The following UNC5C variants were observed in gnomAD, a reference collection of about 807,000 sequenced individuals.
The protein encoded by UNC5C is netrin receptor UNC5C.
Under a neutral mutation model 99.8 loss-of-function variants are expected in UNC5C, and 47 were observed. That is an observed-to-expected ratio of 0.47 (90% CI 0.37 to 0.60). The LOEUF is 0.60. Ranked by LOEUF, UNC5C falls within the 20% of genes least tolerant of loss-of-function variation. The pLI is 0.00. For missense variants in UNC5C, 1,062 were observed against 1,165.9 expected (o/e 0.91, Z 1.30); for synonymous variants, 487 against 452.2 (o/e 1.08, Z -0.98).
At chr4:95,228,670 T>C (rs1738785606) in intron 7 of UNC5C, among the ~76,000 whole-genome samples, 1 of 152,198 alleles carries the variant, frequency 6.6e-6, no homozygotes, top group African/African-American at 2.4e-5. Context: ...AATTAGTAGA[T>C]TCGAATGAGG....
Position 95,351,184 on chromosome 4 carries a change from C to T in UNC5C, c.125-15553G>A, listed in dbSNP as rs111517979. ...GGACATTAGCCCTTGCTAACCTCTC[C>T]CTTTGCTCCTTGCTGTTTTCCTGGT... On this transcript the variant is annotated intron_variant, in intron 1 of 15. Transcript: ENST00000453304. Among the ~76,000 whole-genome samples the T allele has an allele frequency of 5.6e-3, 846 of 152,196 alleles. 11 individuals carry two copies. The highest frequency in any genetic ancestry group is 0.019 in the African/African-American group (803 of 41,546).
Position 95,335,543 on chromosome 4 carries a change from A to G in UNC5C, c.213T>C (p.Ala71=), listed in dbSNP as rs1273349678. The change falls in exon 2 of 16, where the codon GCT becomes GCC. Residue 71 remains alanine, a synonymous_variant. Coordinates refer to ENST00000453304, the MANE Select transcript of UNC5C (RefSeq NM_003728.4). ...TCACGGGCTTATTCTTCACAATATA[A>G]GCTTCTTCAGGCTCAATAAGGAAAT... The part of the protein sequence containing the change: ...LPHFLIEPEE[A]YIVKNKPVNL... The G allele has an allele frequency of 1.2e-6, 2 of 1,612,416 alleles. No homozygotes were observed. Among genetic ancestry groups the G allele is most frequent in the Non-Finnish European group, 1.7e-6 (2 of 1,178,944 alleles).
At chr4:95,527,489 T>A (rs1405522438) in intron 1 of UNC5C, among the ~76,000 whole-genome samples, 1 of 152,146 alleles carries the variant, frequency 6.6e-6, no homozygotes, top group Non-Finnish European at 1.5e-5. Flanking sequence ...TGAGTTTTTT[T>A]AAATATTGGA....
chr4:95,201,820 G>A (rs924384990), intron 12 of UNC5C, among the ~76,000 whole-genome samples: 13 of 152,056 alleles, frequency 8.5e-5, no homozygotes, highest in Non-Finnish European at 1.3e-4. Context: ...TAGCCAGGAT[G>A]GTCTTGATCT....
At chr4:95,510,275 A>C (rs1722034645) in intron 1 of UNC5C, among the ~76,000 whole-genome samples, 1 of 152,036 alleles carries the variant, frequency 6.6e-6, no homozygotes, top group Admixed American at 6.6e-5. Context: ...TAAATACTTT[A>C]CTATTATCAA....
intron 2 of UNC5C, among the ~76,000 whole-genome samples, chr4:95,312,162 G>A (rs1450412543): frequency 6.6e-6 from 1 of 152,124 alleles, no homozygotes; most frequent in Non-Finnish European, 1.5e-5. Flanking sequence ...TGACATTCCA[G>A]TATGAAGATA....
At chr4:95,434,943 C>G (rs1439085591) in intron 1 of UNC5C, among the ~76,000 whole-genome samples, 1 of 152,062 alleles carries the variant, frequency 6.6e-6, no homozygotes, top group East Asian at 1.9e-4. Flanking sequence ...CAACACATCA[C>G]AGAAGAGTTT....
intron 1 of UNC5C, among the ~76,000 whole-genome samples, chr4:95,349,468 T>C (rs566894390): frequency 6.7e-6 from 1 of 149,924 alleles, no homozygotes; most frequent in African/African-American, 2.4e-5. Flanking sequence ...TCATTACTTC[T>C]GGGGAAAAGG....
At chr4:95,465,016 T>C (rs1747730440) in intron 1 of UNC5C, among the ~76,000 whole-genome samples, 1 of 152,146 alleles carries the variant, frequency 6.6e-6, no homozygotes, top group Admixed American at 6.5e-5. Context: ...AGAGAGATGA[T>C]CCAGGCTGAA....
intron 7 of UNC5C, among the ~76,000 whole-genome samples, chr4:95,228,139 A>T (rs1738763593): frequency 6.6e-6 from 1 of 152,192 alleles, no homozygotes; most frequent in African/African-American, 2.4e-5. Context: ...AATATACCTA[A>T]ATGTAGCCTG....
chr4:95,373,572 T>C (rs1251789591), intron 1 of UNC5C, among the ~76,000 whole-genome samples: 1 of 152,178 alleles, frequency 6.6e-6, no homozygotes, highest in Non-Finnish European at 1.5e-5. Context: ...TGATATGATG[T>C]TTATCTGATT....
chr4:95,170,221 T>G lies in UNC5C; in HGVS notation c.2563A>C (p.Ser855Arg). ...CCTCTCGTCTGGGGGGCATCCAGGCTGCTACAGAGCTTCTGCCGGATAGGG... is the reference window on the plus strand; with the variant it reads ...CCTCTCGTCTGGGGGGCATCCAGGCGGCTACAGAGCTTCTGCCGGATAGGG... The part of the protein sequence containing the change: ...PLPIRQKLCS[S>R]LDAPQTRGHD... The change falls in exon 15 of 16, where the codon AGC becomes CGC. Residue 855 changes from serine (S) to arginine (R), a missense_variant. Ser to Arg is a moderately radical substitution (Grantham distance 110, BLOSUM62 -1). Coordinates refer to ENST00000453304, the MANE Select transcript of UNC5C (RefSeq NM_003728.4). 6.2e-7 allele frequency: 1 copy of G among 1,614,156 alleles called. No homozygotes were observed. The highest frequency in any genetic ancestry group is 8.5e-7 in the Non-Finnish European group (1 of 1,180,044).
At chr4:95,355,467 G>A (rs752526792) in intron 1 of UNC5C, among the ~76,000 whole-genome samples, 2 of 152,032 alleles carry the variant, frequency 1.3e-5, no homozygotes, top group African/African-American at 2.4e-5. Context: ...TTCACCTTAA[G>A]CTTTATTTCC....
intron 12 of UNC5C, among the ~76,000 whole-genome samples, chr4:95,197,176 T>C (rs1737465439): frequency 1.4e-5 from 2 of 146,958 alleles, no homozygotes; most frequent in South Asian, 4.2e-4. Flanking sequence ...ACATGGATAA[T>C]ATAACCACAT....
intron 5 of UNC5C, among the ~76,000 whole-genome samples, chr4:95,245,516 G>T (rs1294893465): frequency 2.0e-5 from 3 of 152,096 alleles, no homozygotes; most frequent in Non-Finnish European, 4.4e-5. Context: ...TGAAAAGCCT[G>T]CAAGTCAATC....
intron 1 of UNC5C, among the ~76,000 whole-genome samples, chr4:95,395,828 A>G (rs73838205): frequency 0.058 from 8,818 of 152,256 alleles, 445 homozygotes; most frequent in African/African-American, 0.14. Flanking sequence ...TAAGATAGCC[A>G]CAGCAGAGCA....
intron 1 of UNC5C, among the ~76,000 whole-genome samples, chr4:95,462,042 T>G (rs551453066): frequency 1.3e-3 from 204 of 151,364 alleles, no homozygotes; most frequent in Non-Finnish European, 2.2e-3. Flanking sequence ...GAGCCTTGGG[T>G]TTTTTTTTAG....
chr4:95,365,243 C>T (rs1174402026), intron 1 of UNC5C, among the ~76,000 whole-genome samples: 1 of 145,450 alleles, frequency 6.9e-6, no homozygotes, highest in African/African-American at 2.5e-5. Context: ...TTGCAGTGAG[C>T]TGAGATTGTG....
chr4:95,352,723 GT>G (rs1281090792), intron 1 of UNC5C, among the ~76,000 whole-genome samples: 2 of 152,096 alleles, frequency 1.3e-5, no homozygotes, highest in African/African-American at 4.8e-5. Context: ...GACAATTACA[GT>G]GCATACCAGC....
Sources: allele counts gnomAD v4.1 joint callset (sites outside exome capture counted in the v4.1 genomes callset), GRCh38; gene constraint gnomAD v4.1.1; transcripts MANE v1.5; gene names NCBI Gene and HGNC (gene_info 2026-07-23, HGNC 2026-07-21).